Variants in IL1RAPL1 observed in about 807,000 individuals in gnomAD.
The protein encoded by IL1RAPL1 is interleukin-1 receptor accessory protein-like 1.
IL1RAPL1 carries 3 observed loss-of-function variants against 48.4 expected under a neutral mutation model. That is an observed-to-expected ratio of 0.06 (90% confidence interval 0.03 to 0.16). The LOEUF is 0.16. Among genes scored for constraint, IL1RAPL1 ranks in the 10% least tolerant of loss-of-function variants. The pLI, the probability that IL1RAPL1 is intolerant of heterozygous loss-of-function variation, is 1.00. For missense variants in IL1RAPL1, 349 were observed against 530.6 expected, an observed-to-expected ratio of 0.66 and a Z score of 3.36; for synonymous variants, 185 against 187.7, an observed-to-expected ratio of 0.99 and a Z score of 0.12.
chrX:29,455,759 A>G (rs1934731907), intron 5 of IL1RAPL1, among the ~76,000 whole-genome samples: 1 of 111,952 alleles, frequency 8.9e-6, no homozygotes, highest in Admixed American at 9.5e-5. Flanking sequence ...TAATTAAAAA[A>G]ACCCCACAGT....
intron 5 of IL1RAPL1, among the ~76,000 whole-genome samples, chrX:29,471,125 A>C (rs976059396): frequency 3.6e-5 from 4 of 111,200 alleles, no homozygotes; most frequent in African/African-American, 1.3e-4. Context: ...CTTGGAAAAT[A>C]TACAAATCAC....
intron 6 of IL1RAPL1, among the ~76,000 whole-genome samples, chrX:29,766,975 C>T (rs1928931241): frequency 1.8e-5 from 2 of 109,866 alleles, no homozygotes. Context: ...ATCTAATACA[C>T]AGTCCGTATT....
chrX:29,945,328 A>G (rs1162737455), intron 9 of IL1RAPL1, among the ~76,000 whole-genome samples: 1 of 112,435 alleles, frequency 8.9e-6, no homozygotes, highest in African/African-American at 3.2e-5. Context: ...CTTCCAAAGA[A>G]GAGATGGCTA....
chrX:29,307,964 C>G (rs756725463), intron 3 of IL1RAPL1, among the ~76,000 whole-genome samples: 1 of 112,038 alleles, frequency 8.9e-6, no homozygotes, highest in East Asian at 2.8e-4. Flanking sequence ...ACTGCTTGAT[C>G]ACATTTGATA....
chrX:28,898,318 ATAAC>A (rs1384270073), intron 2 of IL1RAPL1, among the ~76,000 whole-genome samples: 1 of 112,157 alleles, frequency 8.9e-6, no homozygotes, highest in Non-Finnish European at 1.9e-5. Flanking sequence ...TTTTAAGTGA[ATAAC>A]TAGTAAGTCT....
At chrX:29,158,701 C>T (rs1342460112) in intron 2 of IL1RAPL1, among the ~76,000 whole-genome samples, 1 of 110,935 alleles carries the variant, frequency 9.0e-6, no homozygotes, top group African/African-American at 3.3e-5. Flanking sequence ...TTTAGCAATA[C>T]TGCCATCTGT....
intron 2 of IL1RAPL1, among the ~76,000 whole-genome samples, chrX:29,012,001 C>T (rs1347089523): frequency 1.8e-5 from 2 of 111,800 alleles, no homozygotes; most frequent in East Asian, 5.6e-4. Flanking sequence ...AAATTGGAAA[C>T]CAGAGAGACC....
intron 6 of IL1RAPL1, among the ~76,000 whole-genome samples, chrX:29,883,450 CAGAG>C (rs1230710353): frequency 8.1e-5 from 9 of 110,682 alleles, no homozygotes; most frequent in Non-Finnish European, 1.3e-4. Context: ...ATTTTTAACA[CAGAG>C]AGAGAAGTAC....
chrX:28,674,011 T>C (rs961402681), intron 1 of IL1RAPL1, among the ~76,000 whole-genome samples: 4 of 111,892 alleles, frequency 3.6e-5, no homozygotes, highest in Non-Finnish European at 7.5e-5. Flanking sequence ...ACAGGCTTTC[T>C]TTCAGTGTAT....
At chrX:29,451,096 ACT>A (rs1292007059) in intron 5 of IL1RAPL1, among the ~76,000 whole-genome samples, 3 of 98,203 alleles carry the variant, frequency 3.1e-5, no homozygotes, top group Non-Finnish European at 6.2e-5. Flanking sequence ...AAAATGGTTG[ACT>A]CTCTCTATAC....
At chrX:28,725,956 C>G (rs930674320) in intron 1 of IL1RAPL1, among the ~76,000 whole-genome samples, 12 of 112,139 alleles carry the variant, frequency 1.1e-4, no homozygotes, top group African/African-American at 3.9e-4. Context: ...GGGATACTTC[C>G]AGTGTTGGAT....
intron 6 of IL1RAPL1, among the ~76,000 whole-genome samples, chrX:29,803,284 C>T (rs752644294): frequency 7.4e-4 from 19 of 25,660 alleles, no homozygotes; most frequent in Admixed American, 9.3e-4. Context: ...CATATACACA[C>T]ATGTATATAT....
At chrX:28,612,868 C>A (rs1934168381) in intron 1 of IL1RAPL1, among the ~76,000 whole-genome samples, 1 of 111,974 alleles carries the variant, frequency 8.9e-6, no homozygotes, top group Non-Finnish European at 1.9e-5. Flanking sequence ...GGAAACTTTT[C>A]TCTTCAGTGG....
intron 2 of IL1RAPL1, among the ~76,000 whole-genome samples, chrX:29,268,727 C>G (rs1020073591): frequency 8.9e-6 from 1 of 111,930 alleles, no homozygotes; most frequent in African/African-American, 3.2e-5. Flanking sequence ...CTGCTTAATG[C>G]GCTATGCAGT....
chrX:28,876,764 AAACT>A (rs1215657958), intron 2 of IL1RAPL1, among the ~76,000 whole-genome samples: 1 of 110,851 alleles, frequency 9.0e-6, no homozygotes, highest in Non-Finnish European at 1.9e-5. Context: ...GAAAAAAAAA[AAACT>A]AACAACATAA....
intron 2 of IL1RAPL1, among the ~76,000 whole-genome samples, chrX:29,260,468 A>G (rs1002387863): frequency 3.6e-5 from 4 of 112,175 alleles, no homozygotes; most frequent in Non-Finnish European, 3.8e-5. Flanking sequence ...GGAAACGCCC[A>G]TTTATAAAAC....
intron 2 of IL1RAPL1, among the ~76,000 whole-genome samples, chrX:29,166,814 C>A (rs1929794933): frequency 8.9e-6 from 1 of 111,843 alleles, no homozygotes; most frequent in East Asian, 2.8e-4. Context: ...ACTTTTTCAT[C>A]CCAGGGCCTT....
At chrX:29,803,625 A>T (rs1432132374) in intron 6 of IL1RAPL1, among the ~76,000 whole-genome samples, 1 of 103,381 alleles carries the variant, frequency 9.7e-6, no homozygotes, top group Non-Finnish European at 2.0e-5. Context: ...GTATATATGT[A>T]TATATGTGTA....
intron 2 of IL1RAPL1, among the ~76,000 whole-genome samples, chrX:29,068,719 G>A: frequency 8.9e-6 from 1 of 112,317 alleles, no homozygotes; most frequent in Admixed American, 9.4e-5. Flanking sequence ...GAAGGATAAC[G>A]GAATAGGATA....
Sources: allele counts gnomAD v4.1 joint callset (sites outside exome capture counted in the v4.1 genomes callset), GRCh38; gene constraint gnomAD v4.1.1; transcripts MANE v1.5; gene names NCBI Gene and HGNC (gene_info 2026-07-23, HGNC 2026-07-21).